ZNRF3: variants seen among roughly 807,000 people sequenced by gnomAD.
ZNRF3 encodes E3 ubiquitin-protein ligase ZNRF3.
ZNRF3 carries 23 observed loss-of-function variants against 72.5 expected under a neutral mutation model. The observed-to-expected ratio is 0.32, with a 90% confidence interval of 0.23 to 0.45. The LOEUF (loss-of-function observed/expected upper bound fraction) is 0.45. Among genes scored for constraint, ZNRF3 ranks in the 20% least tolerant of loss-of-function variants. The pLI, the probability that ZNRF3 is intolerant of heterozygous loss-of-function variation, is 1.00. For missense variants in ZNRF3, 1,169 were observed against 1,272.1 expected (o/e 0.92, Z 1.23); for synonymous variants, 610 against 545.3 (o/e 1.12, Z -1.65).
intron 2 of ZNRF3, among the ~76,000 whole-genome samples, chr22:29,023,013 C>G (rs576199190): frequency 6.6e-6 from 1 of 152,122 alleles, no homozygotes; most frequent in Non-Finnish European, 1.5e-5. Context: ...CGTCCACCCC[C>G]CTCCCACCTC....
chr22:28,890,008 A>C (rs2033856496), intron 1 of ZNRF3, among the ~76,000 whole-genome samples: 2 of 152,204 alleles, frequency 1.3e-5, no homozygotes, highest in African/African-American at 4.8e-5. Context: ...TAAATGATGG[A>C]GAGTGGACAT....
intron 1 of ZNRF3, among the ~76,000 whole-genome samples, chr22:28,891,745 T>C (rs750593887): frequency 7.9e-5 from 12 of 152,242 alleles, no homozygotes; most frequent in East Asian, 1.9e-4. Flanking sequence ...CCCAAAACGA[T>C]TGACCAAGAA....
intron 1 of ZNRF3, among the ~76,000 whole-genome samples, chr22:28,984,448 T>C (rs1432537825): frequency 6.6e-6 from 1 of 152,208 alleles, no homozygotes; most frequent in African/African-American, 2.4e-5. Flanking sequence ...AGTTTTGATA[T>C]AGATGCAAAG....
chr22:28,948,151 C>T (rs966467904), intron 1 of ZNRF3, among the ~76,000 whole-genome samples: 1 of 148,224 alleles, frequency 6.7e-6, no homozygotes, highest in Non-Finnish European at 1.5e-5. Flanking sequence ...CTACAAATAA[C>T]GTTTTTTATT....
chr22:28,892,522 G>A (rs1003236340), intron 1 of ZNRF3, among the ~76,000 whole-genome samples: 1 of 152,138 alleles, frequency 6.6e-6, no homozygotes, highest in Non-Finnish European at 1.5e-5. Flanking sequence ...CCTTTCTAAC[G>A]GAATAGGAAG....
intron 1 of ZNRF3, among the ~76,000 whole-genome samples, chr22:28,943,309 C>G (rs1002468937): frequency 6.6e-6 from 1 of 152,086 alleles, no homozygotes; most frequent in African/African-American, 2.4e-5. Flanking sequence ...TGGGGACATG[C>G]TTGCTGCCTC....
At chr22:28,960,090 G>C (rs1047779968) in intron 1 of ZNRF3, among the ~76,000 whole-genome samples, 7 of 152,198 alleles carry the variant, frequency 4.6e-5, no homozygotes, top group African/African-American at 1.7e-4. Context: ...TTCTTGGCCT[G>C]TTTTCTTTGG....
chr22:28,971,143 G>A (rs1278171322), intron 1 of ZNRF3, among the ~76,000 whole-genome samples: 1 of 152,062 alleles, frequency 6.6e-6, no homozygotes, highest in Admixed American at 6.5e-5. Flanking sequence ...GAGCTATGAT[G>A]GTGCCACTGT....
intron 1 of ZNRF3, among the ~76,000 whole-genome samples, chr22:28,962,914 A>C (rs1287536399): frequency 6.6e-6 from 1 of 152,152 alleles, no homozygotes; most frequent in East Asian, 1.9e-4. Flanking sequence ...TTTTATGCAC[A>C]GTGGCTTGTA....
At position 28,981,695 on chromosome 22, in the gene ZNRF3, C is replaced by T. The variant is rs958792136; in HGVS notation, c.301-5381C>T. ...TGTATAAGACTGTGCATATAGCATC[C>T]TTCACTTAGGTTTGAGTTCAGCCGG... is the stretch of plus-strand genomic sequence containing the variant. On this transcript the variant is annotated intron_variant, in intron 1 of 8. Coordinates refer to ENST00000544604, the MANE Select transcript of ZNRF3 (RefSeq NM_001206998.2). 3.3e-5 allele frequency among the ~76,000 whole-genome samples: 5 copies of T among 152,150 alleles called. No individual in the cohort carries two copies. In the South Asian group the frequency reaches 8.3e-4, roughly 25 times the overall value.
At chr22:28,896,240 T>A (rs1447928717) in intron 1 of ZNRF3, among the ~76,000 whole-genome samples, 1 of 152,242 alleles carries the variant, frequency 6.6e-6, no homozygotes, top group Non-Finnish European at 1.5e-5. Flanking sequence ...GTTCAAGCGA[T>A]TCTCCTGCCT....
At chr22:29,009,796 A>G (rs1023922845) in intron 2 of ZNRF3, among the ~76,000 whole-genome samples, 3 of 152,082 alleles carry the variant, frequency 2.0e-5, no homozygotes, top group Non-Finnish European at 4.4e-5. Context: ...TGGTAACTAT[A>G]TACATCATAT....
At chr22:28,902,738 T>C (rs1221086336) in intron 1 of ZNRF3, among the ~76,000 whole-genome samples, 2 of 152,144 alleles carry the variant, frequency 1.3e-5, no homozygotes, top group South Asian at 2.1e-4. Context: ...ATCTGTAAAA[T>C]GGAGATAAAC....
At chr22:28,928,777 T>C (rs1412679677) in intron 1 of ZNRF3, among the ~76,000 whole-genome samples, 1 of 152,132 alleles carries the variant, frequency 6.6e-6, no homozygotes, top group Non-Finnish European at 1.5e-5. Context: ...ATTACAGGCG[T>C]GAGCCACCGC....
At chr22:28,951,194 G>A (rs568349535) in intron 1 of ZNRF3, among the ~76,000 whole-genome samples, 2 of 152,292 alleles carry the variant, frequency 1.3e-5, no homozygotes, top group South Asian at 4.1e-4. Flanking sequence ...AACCACTAGT[G>A]GTTCTCCTAA....
At chr22:29,027,388 A>T (rs2036658686) in intron 2 of ZNRF3, among the ~76,000 whole-genome samples, 1 of 152,080 alleles carries the variant, frequency 6.6e-6, no homozygotes. Flanking sequence ...AGTTGGGATT[A>T]CAGGTGCCTG....
At chr22:28,938,255 C>G (rs573745405) in intron 1 of ZNRF3, among the ~76,000 whole-genome samples, 1 of 146,514 alleles carries the variant, frequency 6.8e-6, no homozygotes, top group South Asian at 2.2e-4. Flanking sequence ...GTCTTGAAAG[C>G]TTTTTTTTTT....
At chr22:28,943,654 A>G (rs1002666440) in intron 1 of ZNRF3, among the ~76,000 whole-genome samples, 1 of 151,800 alleles carries the variant, frequency 6.6e-6, no homozygotes, top group African/African-American at 2.4e-5. Context: ...TCTCATTTTT[A>G]TTATAATGTG....
chr22:29,019,845 A>G (rs930248982), intron 2 of ZNRF3, among the ~76,000 whole-genome samples: 11 of 152,246 alleles, frequency 7.2e-5, no homozygotes, highest in African/African-American at 2.7e-4. Context: ...TAAGTGTGAT[A>G]GAACCAGAAA....
Sources: gnomAD v4.1 joint callset for allele counts (sites outside exome capture counted in the v4.1 genomes callset) on GRCh38, gnomAD v4.1.1 for gene constraint, MANE v1.5 for transcripts, NCBI Gene and HGNC (gene_info 2026-07-23, HGNC 2026-07-21) for gene names.